Variants in PRR16 observed in about 807,000 individuals in gnomAD.
The protein encoded by PRR16 is proline rich 16, also known as protein Largen.
PRR16 carries 6 observed loss-of-function variants against 18.2 expected under a neutral mutation model. The observed-to-expected ratio is 0.33, with a 90% confidence interval of 0.18 to 0.65. The LOEUF is 0.65. PRR16 is among the 30% of genes least tolerant of loss of function. PRR16 has a pLI of 0.74. For synonymous variants in PRR16, 151 were observed against 147.8 expected, an observed-to-expected ratio of 1.02 and a Z score of -0.16; for missense variants, 412 against 376.6, an observed-to-expected ratio of 1.09 and a Z score of -0.78.
intron 1 of PRR16, among the ~76,000 whole-genome samples, chr5:120,497,049 A>C (rs10065330): frequency 1.3e-5 from 2 of 151,928 alleles, no homozygotes; most frequent in Admixed American, 1.3e-4. Context: ...ATTTGATTCT[A>C]TTGAAGTAAG....
chr5:120,629,749 T>A (rs1754993610), intron 1 of PRR16, among the ~76,000 whole-genome samples: 1 of 152,108 alleles, frequency 6.6e-6, no homozygotes, highest in Admixed American at 6.6e-5. Flanking sequence ...TCTGTTTGTT[T>A]TTTTGAATTA....
At chr5:120,651,971 T>C (rs2150132163) in intron 1 of PRR16, among the ~76,000 whole-genome samples, 1 of 152,196 alleles carries the variant, frequency 6.6e-6, no homozygotes, top group East Asian at 1.9e-4. Context: ...GCATGGAATG[T>C]TCTTACATTT....
intron 1 of PRR16, among the ~76,000 whole-genome samples, chr5:120,602,836 T>G (rs1754026781): frequency 6.6e-6 from 1 of 151,958 alleles, no homozygotes; most frequent in African/African-American, 2.4e-5. Context: ...TGGTTTATAT[T>G]TTTAGTTCTG....
At chr5:120,752,494 G>A in the PRR16 span, among the ~76,000 whole-genome samples, 2 of 151,886 alleles carry the variant, frequency 1.3e-5, no homozygotes, top group South Asian at 2.1e-4. Context: ...GTTTATCTAT[G>A]CACTGATTAG....
chr5:120,656,274 T>G (rs913837107), intron 1 of PRR16, among the ~76,000 whole-genome samples: 1 of 151,872 alleles, frequency 6.6e-6, no homozygotes, highest in Non-Finnish European at 1.5e-5. Flanking sequence ...AGTAGTTAGC[T>G]TGTATAGCTA....
intron 1 of PRR16, among the ~76,000 whole-genome samples, chr5:120,633,263 T>C (rs1432462433): frequency 1.3e-5 from 2 of 151,958 alleles, no homozygotes; most frequent in Non-Finnish European, 2.9e-5. Context: ...AAATAGAATC[T>C]CCTTAAAGCA....
At chr5:120,663,049 G>C (rs375151982) in intron 1 of PRR16, among the ~76,000 whole-genome samples, 3 of 152,032 alleles carry the variant, frequency 2.0e-5, no homozygotes, top group Admixed American at 2.0e-4. Context: ...CCTGTTCACC[G>C]TTCTTCTTTC....
the PRR16 span, among the ~76,000 whole-genome samples, chr5:120,733,338 T>TG: frequency 2.0e-4 from 30 of 151,998 alleles, no homozygotes; most frequent in Admixed American, 1.7e-3. Flanking sequence ...TTTAAAGAGA[T>TG]GGGGTCTCAC....
intron 1 of PRR16, among the ~76,000 whole-genome samples, chr5:120,639,369 A>G (rs1755348042): frequency 6.6e-6 from 1 of 152,140 alleles, no homozygotes; most frequent in African/African-American, 2.4e-5. Flanking sequence ...TTCATGATAT[A>G]TTCAGGTAAA....
chr5:120,551,273 C>G (rs376119572), intron 1 of PRR16, among the ~76,000 whole-genome samples: 3 of 151,898 alleles, frequency 2.0e-5, no homozygotes, highest in Admixed American at 1.3e-4. Flanking sequence ...ATTTGTCTTC[C>G]TGAGTCTGGC....
chr5:120,762,874 T>G, the PRR16 span, among the ~76,000 whole-genome samples: 2 of 152,192 alleles, frequency 1.3e-5, no homozygotes, highest in East Asian at 3.8e-4. Context: ...GTTATTTTTC[T>G]GTTTTCTTCT....
chr5:120,537,354 G>A (rs1471941414), intron 1 of PRR16, among the ~76,000 whole-genome samples: 1 of 152,132 alleles, frequency 6.6e-6, no homozygotes, highest in Non-Finnish European at 1.5e-5. Context: ...ACTTTTGGAA[G>A]AGGTGTTATT....
intron 1 of PRR16, among the ~76,000 whole-genome samples, chr5:120,540,389 G>A (rs1751872409): frequency 6.6e-6 from 1 of 152,144 alleles, no homozygotes; most frequent in Admixed American, 6.5e-5. Context: ...GAAAATCTGA[G>A]GTTTTTAGGA....
the PRR16 span, among the ~76,000 whole-genome samples, chr5:120,693,980 CATTA>C: frequency 2.0e-5 from 3 of 152,222 alleles, no homozygotes; most frequent in African/African-American, 4.8e-5. Flanking sequence ...TCTCTGGTAA[CATTA>C]ATTATCTTCT....
the PRR16 span, among the ~76,000 whole-genome samples, chr5:120,766,487 G>A: frequency 6.6e-6 from 1 of 151,642 alleles, no homozygotes; most frequent in Admixed American, 6.6e-5. Flanking sequence ...CTCAGTACTA[G>A]TCAATTGTGT....
intron 1 of PRR16, chr5:120,465,695 T>TCCTG (rs1749057755): frequency 6.7e-6 from 1 of 150,214 alleles, no homozygotes; most frequent in Non-Finnish European, 1.5e-5. Flanking sequence ...CTGAATGGGG[T>TCCTG]CCTGGTGCGG....
chr5:120,613,359 G>T (rs1580787708), intron 1 of PRR16, among the ~76,000 whole-genome samples: 1 of 122,438 alleles, frequency 8.2e-6, no homozygotes, highest in Non-Finnish European at 1.8e-5. Flanking sequence ...AAAATTTAAA[G>T]CTTCATAATT....
the PRR16 span, among the ~76,000 whole-genome samples, chr5:120,757,444 A>C: frequency 3.9e-5 from 6 of 152,104 alleles, no homozygotes; most frequent in East Asian, 1.2e-3. Context: ...CTTCCATTCC[A>C]TGAGTATGGA....
chr5:120,757,869 T>C, the PRR16 span, among the ~76,000 whole-genome samples: 1 of 152,106 alleles, frequency 6.6e-6, no homozygotes, highest in Non-Finnish European at 1.5e-5. Flanking sequence ...AATGGAACTA[T>C]AGTTTTCATA....
Sources: gnomAD v4.1 joint callset for allele counts (sites outside exome capture counted in the v4.1 genomes callset) on GRCh38, gnomAD v4.1.1 for gene constraint, MANE v1.5 for transcripts, NCBI Gene and HGNC (gene_info 2026-07-23, HGNC 2026-07-21) for gene names.